The following AMBP variants were observed in gnomAD, a reference collection of about 807,000 sequenced individuals.
The protein encoded by AMBP is alpha-1-microglobulin/bikunin precursor.
Under a neutral mutation model 46.3 loss-of-function variants are expected in AMBP, and 37 were observed. The observed-to-expected ratio is 0.80, with a 90% CI of 0.61 to 1.05. The LOEUF is 1.05. Among genes scored for constraint, AMBP ranks in the 50% least tolerant of loss-of-function variants. The pLI, the probability that AMBP is intolerant of heterozygous loss-of-function variation, is 0.00. For missense variants in AMBP, 475 were observed against 461.2 expected, an observed-to-expected ratio of 1.03 and a Z score of -0.27; for synonymous variants, 174 against 175.9, an observed-to-expected ratio of 0.99 and a Z score of 0.09.
intron 6 of AMBP, among the ~76,000 whole-genome samples, chr9:114,065,231 T>C (rs1304740013): frequency 2.6e-5 from 4 of 152,176 alleles, no homozygotes; most frequent in Non-Finnish European, 4.4e-5. Context: ...TATTTGGAAA[T>C]CAGATTGTTC....
At chr9:114,070,921 C>T (rs908467385) in intron 5 of AMBP, among the ~76,000 whole-genome samples, 2 of 152,220 alleles carry the variant, frequency 1.3e-5, no homozygotes, top group East Asian at 1.9e-4. Context: ...GGCAGGGCTG[C>T]GAGCCAGGCA....
At chr9:114,074,202 T>C (rs1846779792) in intron 3 of AMBP, 50 bp from the exon 4 acceptor site, 1 of 1,488,286 alleles carries the variant, frequency 6.7e-7, no homozygotes. Flanking sequence ...CAGTAGACTC[T>C]TCTAGCTGGA....
At chr9:114,070,518 C>T (rs990843908) in intron 5 of AMBP, among the ~76,000 whole-genome samples, 5 of 152,218 alleles carry the variant, frequency 3.3e-5, no homozygotes, top group South Asian at 4.1e-4. Flanking sequence ...GCCACCCTGG[C>T]GGCCGTCACG....
chr9:114,067,216 G>C lies in AMBP; in HGVS notation c.603+2483C>G, dbSNP rs867078682. On this transcript the variant is annotated intron_variant, in intron 6 of 9. Coordinates refer to ENST00000265132, the MANE Select transcript of AMBP (RefSeq NM_001633.4). ...ACCTCCCAAAGTGCTGGGATTACAG[G>C]TGTGAGCCACTATGCCTGGCTCAGG... is the stretch of plus-strand genomic sequence containing the variant. Among the ~76,000 whole-genome samples the C allele has an allele frequency of 1.4e-4, 21 of 152,228 alleles. No individual in the cohort carries two copies. The South Asian group carries it at 2.3e-3, about 17-fold the overall frequency.
At chr9:114,060,869 C>T in intron 9 of AMBP, 56 bp downstream of exon 9, 2 of 1,571,012 alleles carry the variant, frequency 1.3e-6, no homozygotes, top group Non-Finnish European at 8.7e-7. Context: ...CAGGGCTCTC[C>T]CACCTCGACT....
Position 114,072,957 on chromosome 9 carries a change from G to A in AMBP, c.524C>T (p.Pro175Leu), listed in dbSNP as rs2134854053. Residue 175 changes from proline (P) to leucine (L), a missense_variant, in exon 5 of 10, where the codon CCT (proline) becomes CTT (leucine). Coordinates refer to ENST00000265132, the MANE Select transcript of AMBP (RefSeq NM_001633.4). ...AGCCATGGTGAAGATGGAGTCCTCA[G>A]GGATGCCCACACCCTGGGCAACCAC... is the stretch of plus-strand genomic sequence containing the variant. ...FRVVAQGVGI[P>L]EDSIFTMADR... 6.2e-7 allele frequency: 1 copy of A among 1,613,916 alleles called. No individual in the cohort carries two copies. The highest frequency in any genetic ancestry group is 2.2e-5 in the East Asian group (1 of 44,862).
Position 114,076,684 on chromosome 9 carries a change from C to A in AMBP, c.174G>T (p.Lys58Asn), listed in dbSNP as rs527834215. ...TGCTCACTGTCATCCTGTCCATGATCTTCTTCAGCCAGGGGCAGGTGGAAC... is the reference window on the plus strand; with the variant it reads ...TGCTCACTGTCATCCTGTCCATGATATTCTTCAGCCAGGGGCAGGTGGAAC... ...AIGSTCPWLK[K>N]IMDRMTVSTL... The change falls in exon 2 of 10, where the codon AAG becomes AAT. Residue 58 changes from lysine to asparagine, a missense_variant. By Grantham distance (94) the Lys-to-Asn change is moderately conservative. This residue lies in a region of AMBP where 179 missense variants were observed against 167.4 expected (regional missense o/e 1.07). Coordinates refer to ENST00000265132, the MANE Select transcript of AMBP (RefSeq NM_001633.4). 9.2e-5 allele frequency: 148 copies of A among 1,614,044 alleles called. 1 individual carries two copies. The South Asian group carries it at 1.4e-3, about 16-fold the overall frequency.
chr9:114,061,703 T>C, intron 7 of AMBP, 112 bp from the exon 8 acceptor site: 1 of 1,287,584 alleles, frequency 7.8e-7, no homozygotes, highest in Non-Finnish European at 1.0e-6. Context: ...GGATTATCAA[T>C]TCTTTTTAGA....
intron 1 of AMBP, among the ~76,000 whole-genome samples, chr9:114,077,319 T>A (rs563513508): frequency 6.6e-6 from 1 of 152,240 alleles, no homozygotes; most frequent in East Asian, 1.9e-4. Context: ...TCATTGCCCC[T>A]CTGCCACGAC....
chr9:114,076,657 C>G lies in AMBP; in HGVS notation c.201G>C (p.Thr67=), dbSNP rs370817511. Reference sequence around the variant, plus strand: ...CTGTAGCGCCCTCTCCCAGCACCAGCGTGCTCACTGTCATCCTGTCCATGA... The same window carrying G: ...CTGTAGCGCCCTCTCCCAGCACCAGGGTGCTCACTGTCATCCTGTCCATGA... ...KKIMDRMTVS[T]LVLGEGATEA... is the part of the protein sequence containing the mutation. Residue 67 remains threonine, a synonymous_variant, in exon 2 of 10, where the codon ACG becomes ACC. Transcript: ENST00000265132. The G allele has an allele frequency of 6.2e-7, 1 of 1,613,954 alleles. No individual in the cohort carries two copies. Among genetic ancestry groups the G allele is most frequent in the African/African-American group, 1.3e-5 (1 of 74,882 alleles).
intron 9 of AMBP, 120 bp from the exon 10 acceptor site, chr9:114,060,390 T>A: frequency 9.3e-7 from 1 of 1,074,300 alleles, no homozygotes; most frequent in South Asian, 1.6e-5. Context: ...CCAAAGGGTA[T>A]TCCATGAAAT....
chr9:114,077,908 G>A (rs1846830994), intron 1 of AMBP, among the ~76,000 whole-genome samples, 185 bp downstream of exon 1: 1 of 152,238 alleles, frequency 6.6e-6, no homozygotes, highest in South Asian at 2.1e-4. Flanking sequence ...TTGACTCATA[G>A]AATGTCAGCC....
intron 2 of AMBP, among the ~76,000 whole-genome samples, chr9:114,076,292 A>G (rs2134856920): frequency 6.6e-6 from 1 of 151,992 alleles, no homozygotes; most frequent in African/African-American, 2.4e-5. Context: ...GATGGGTGAC[A>G]GGGGAGAGAG....
intron 3 of AMBP, 115 bp downstream of exon 3, chr9:114,074,845 T>C: frequency 4.6e-6 from 4 of 875,678 alleles, no homozygotes; most frequent in Non-Finnish European, 7.5e-6. Flanking sequence ...GGGGGAAGGC[T>C]AGATGACATC....
At chr9:114,070,537 G>A (rs1317524923) in intron 5 of AMBP, among the ~76,000 whole-genome samples, 1 of 152,222 alleles carries the variant, frequency 6.6e-6, no homozygotes, top group Non-Finnish European at 1.5e-5. Flanking sequence ...CGATGGGGCT[G>A]GGCTGAGTCA....
Position 114,060,231 on chromosome 9 carries a change from G to C in AMBP, c.*8C>G. 6.2e-7 allele frequency: 1 copy of C among 1,612,686 alleles called. No homozygotes were observed. The highest frequency in any genetic ancestry group is 8.5e-7 in the Non-Finnish European group (1 of 1,179,430). On this transcript the variant is annotated 3_prime_UTR_variant, in exon 10 of 10. Coordinates refer to ENST00000265132, the MANE Select transcript of AMBP (RefSeq NM_001633.4). ...TGGCCATCCTCTGACTTGCAGACCGGCCAGTTGTCAGTTGGAGAAGCGCAG... is the reference window on the plus strand; with the variant it reads ...TGGCCATCCTCTGACTTGCAGACCGCCCAGTTGTCAGTTGGAGAAGCGCAG...
At chr9:114,069,858 G>T in intron 5 of AMBP, 113 bp from the exon 6 acceptor site, 1 of 1,107,644 alleles carries the variant, frequency 9.0e-7, no homozygotes, top group Non-Finnish European at 1.4e-6. Flanking sequence ...TCGTGCCTTA[G>T]TCCACTTCAT....
intron 5 of AMBP, among the ~76,000 whole-genome samples, chr9:114,071,808 G>A (rs1333035428): frequency 6.6e-6 from 1 of 152,202 alleles, no homozygotes; most frequent in African/African-American, 2.4e-5. Flanking sequence ...ACACACTCTA[G>A]GGCCTCCTCT....
rs1364844121 is a variant in AMBP, at chr9:114,061,498, T to C, written c.779A>G (p.Gln260Arg). Reference sequence around the variant, plus strand: ...ACCGTTGCCCATGCAGCCGCCGTACTGGAAAGTCTCACAGGCCATGGATGT... The same window carrying C: ...ACCGTTGCCCATGCAGCCGCCGTACCGGAAAGTCTCACAGGCCATGGATGT... Reference protein sequence around the residue: ...NGTSMACETFQYGGCMGNGNN... With the variant: ...NGTSMACETFRYGGCMGNGNN... Residue 260 changes from glutamine (Q) to arginine (R), a missense_variant, in exon 8 of 10, where the codon CAG becomes CGG. By Grantham distance (43) the Gln-to-Arg change is conservative. Around this residue, in one of 3 missense-constraint regions of AMBP, gnomAD observed 293 missense variants for 276.9 expected, o/e 1.06. Transcript: ENST00000265132. The C allele has an allele frequency of 1.9e-6, 3 of 1,614,144 alleles. No individual in the cohort carries two copies. The South Asian group carries it at 3.3e-5, about 18-fold the overall frequency.
Sources: gnomAD v4.1 joint callset for allele counts (sites outside exome capture counted in the v4.1 genomes callset) on GRCh38, gnomAD v4.1.1 for gene constraint, gnomAD v4.1.1 regional missense constraint, MANE v1.5 for transcripts, NCBI Gene and HGNC (gene_info 2026-07-23, HGNC 2026-07-21) for gene names.